Variants in PCDHGA4 observed in about 807,000 individuals in gnomAD.
PCDHGA4 encodes protocadherin gamma-A4.
In PCDHGA4, 38 loss-of-function variants were observed where a neutral mutation model predicts 54.6. The ratio of observed to expected loss-of-function variants is 0.70; its 90% CI spans 0.54 to 0.91. PCDHGA4 has a LOEUF of 0.91. Ranked by LOEUF, PCDHGA4 falls within the 40% of genes least tolerant of loss-of-function variation. The probability of loss-of-function intolerance (pLI) is 0.00; values close to 1 mark genes in which losing one functional copy is unlikely to be tolerated. For missense variants in PCDHGA4, 1,298 were observed against 1,220.9 expected (o/e 1.06, Z -0.94); for synonymous variants, 511 against 512.9 (o/e 1.00, Z 0.05).
Position 141,481,350 on chromosome 5 carries a change from T to C in PCDHGA4, c.2515-13457T>C, listed in dbSNP as rs901892475. Among the ~76,000 whole-genome samples, 4 of 152,248 alleles carry C rather than the reference T, an allele frequency of 2.6e-5. No homozygotes were observed. The South Asian group carries it at 8.3e-4, about 32-fold the overall frequency. On this transcript the variant is annotated intron_variant, in intron 1 of 3. Coordinates refer to ENST00000571252, the MANE Select transcript of PCDHGA4 (RefSeq NM_018917.4). The stretch of plus-strand genomic sequence containing the variant: ...CCTGGACAACTATTATTTAAACATC[T>C]ACAGCTGTTCAATAGATATTGGGTT...
chr5:141,489,210 G>C lies in PCDHGA4; in HGVS notation c.2515-5597G>C. ...TCTACCTTGGAGACAGGACAGCACA[G>C]ACTTACTCTCCACAAAGGGACTTCT... On this transcript the variant is annotated intron_variant, in intron 1 of 3. Coordinates refer to ENST00000571252, the MANE Select transcript of PCDHGA4 (RefSeq NM_018917.4). This position sits in a 1 kb window ranked among gnomAD's most constrained non-coding sequence, Gnocchi z 4.5. 6.8e-7 allele frequency: 1 copy of C among 1,461,860 alleles called. No individual in the cohort carries two copies. Among genetic ancestry groups the C allele is most frequent in the African/African-American group, 1.4e-5 (1 of 70,802 alleles). 90.6% of individuals were successfully genotyped at this position (1,461,860 alleles called of 1,614,324 possible).
At chr5:141,371,656 C>T (rs772257649) in intron 1 of PCDHGA4, 6 of 1,613,886 alleles carry the variant, frequency 3.7e-6, no homozygotes, top group African/African-American at 1.3e-5. Context: ...TACAATGTGA[C>T]GATCACAGCT....
intron 1 of PCDHGA4, chr5:141,415,797 C>G (rs940812419): frequency 3.9e-5 from 52 of 1,331,434 alleles, no homozygotes; most frequent in Non-Finnish European, 4.8e-5. Context: ...TTCACCTAGT[C>G]TCAATCAAGG....
At chr5:141,360,326 G>A (rs1761537998) in intron 1 of PCDHGA4, 4 of 1,613,816 alleles carry the variant, frequency 2.5e-6, no homozygotes, top group Non-Finnish European at 2.5e-6. Flanking sequence ...TTGCCAGCCC[G>A]GAAGCTGCGG....
At chr5:141,427,259 G>A (rs1365845158) in intron 1 of PCDHGA4, 1 of 456,756 alleles carries the variant, frequency 2.2e-6, no homozygotes, top group Non-Finnish European at 4.4e-6. Flanking sequence ...GTGGAGGCAT[G>A]ACCAGCGAAT....
intron 1 of PCDHGA4, among the ~76,000 whole-genome samples, chr5:141,381,177 C>G (rs935775632): frequency 6.6e-6 from 1 of 152,214 alleles, no homozygotes; most frequent in African/African-American, 2.4e-5. Context: ...TCCCACAAAA[C>G]GAAGTTAAGC....
Position 141,447,179 on chromosome 5 carries a change from G to A in PCDHGA4, c.2515-47628G>A, listed in dbSNP as rs558348683. ...GTTTAAGCGGGGTCTTGCTCTTGTC[G>A]CGCAGGCTGGAGTGCAATGGCTTGA... On this transcript the variant is annotated intron_variant, in intron 1 of 3. Transcript: ENST00000571252. 4.6e-4 allele frequency among the ~76,000 whole-genome samples: 70 copies of A among 151,826 alleles called. 1 individual carries two copies. The highest frequency in any genetic ancestry group is 3.9e-4 in the East Asian group (2 of 5,158).
At chr5:141,392,833 G>A (rs750632906) in intron 1 of PCDHGA4, 39 of 1,604,260 alleles carry the variant, frequency 2.4e-5, no homozygotes, top group Non-Finnish European at 2.8e-5. Context: ...CCACAGAGTC[G>A]CCCCAGACGC....
chr5:141,373,373 C>T (rs1171696467), intron 1 of PCDHGA4, among the ~76,000 whole-genome samples: 1 of 152,142 alleles, frequency 6.6e-6, no homozygotes, highest in East Asian at 1.9e-4. Flanking sequence ...TGAATTGGTT[C>T]AAAATGTGTT....
intron 1 of PCDHGA4, chr5:141,427,050 G>A (rs974721070): frequency 4.4e-6 from 2 of 457,372 alleles, no homozygotes; most frequent in Non-Finnish European, 4.4e-6. Flanking sequence ...TGTGCCCCCA[G>A]GCACCTCTGT....
rs1284989963 is a variant in PCDHGA4 at position 141,419,134 on chromosome 5, A to T, written c.2514+61513A>T. On this transcript the variant is annotated intron_variant, in intron 1 of 3. Transcript: ENST00000571252. ...AGTACAACGTCACCATCGCAGCCAC[A>T]GACAGGGGCAAGCCTCCGTTATCCT... is the stretch of plus-strand genomic sequence containing the variant. 2.5e-6 allele frequency: 4 copies of T among 1,613,826 alleles called. No individual in the cohort carries two copies. In the African/African-American group the frequency reaches 5.3e-5, roughly 22 times the overall value.
chr5:141,430,337 C>G (rs531455580), intron 1 of PCDHGA4, among the ~76,000 whole-genome samples: 1 of 150,908 alleles, frequency 6.6e-6, no homozygotes, highest in East Asian at 2.0e-4. Context: ...TTTATAGAAA[C>G]TTCCAATTCA....
chr5:141,410,809 G>C, intron 1 of PCDHGA4: 1 of 292,002 alleles, frequency 3.4e-6, no homozygotes, highest in Admixed American at 5.8e-5. Flanking sequence ...CTATCTTTTT[G>C]TAAAATAATG....
intron 1 of PCDHGA4, chr5:141,427,958 G>T: frequency 6.3e-7 from 1 of 1,588,408 alleles, no homozygotes; most frequent in Non-Finnish European, 8.6e-7. Flanking sequence ...ACAATGTGCC[G>T]CGGGTGCTGT....
chr5:141,414,437 C>T (rs1422750138), intron 1 of PCDHGA4: 1 of 1,613,856 alleles, frequency 6.2e-7, no homozygotes, highest in Non-Finnish European at 8.5e-7. Flanking sequence ...CAGGTATCCT[C>T]TTACAATATC....
chr5:141,371,207 G>A, intron 1 of PCDHGA4: 1 of 1,613,764 alleles, frequency 6.2e-7, no homozygotes, highest in African/African-American at 1.3e-5. Context: ...ACATGGATGA[G>A]GGCATCAATG....
At chr5:141,399,856 G>A (rs1391939612) in intron 1 of PCDHGA4, 1 of 1,612,894 alleles carries the variant, frequency 6.2e-7, no homozygotes, top group Non-Finnish European at 8.5e-7. Flanking sequence ...GGTGCCGCGC[G>A]CTGCAGAGCC....
At chr5:141,410,830 G>T in intron 1 of PCDHGA4, 11 of 332,874 alleles carry the variant, frequency 3.3e-5, no homozygotes, top group East Asian at 5.9e-5. Context: ...TCACCAGACT[G>T]AAGATATTTT....
chr5:141,460,726 A>G lies in PCDHGA4; in HGVS notation c.2515-34081A>G, dbSNP rs545089217. ...GAGAATAAACTATTGTTATAAGCAT[A>G]TATACACATTGTATATATATGTGTA... On this transcript the variant is annotated intron_variant, in intron 1 of 3. Coordinates refer to ENST00000571252, the MANE Select transcript of PCDHGA4 (RefSeq NM_018917.4). Among the ~76,000 whole-genome samples the G allele has an allele frequency of 6.6e-5, 10 of 152,252 alleles. No homozygotes were observed. In the East Asian group the frequency reaches 1.9e-3, roughly 29 times the overall value.
Sources: gnomAD v4.1 joint callset for allele counts (sites outside exome capture counted in the v4.1 genomes callset) on GRCh38, gnomAD v4.1.1 for gene constraint, Gnocchi (gnomAD v3.1) non-coding constraint, MANE v1.5 for transcripts, NCBI Gene and HGNC (gene_info 2026-07-23, HGNC 2026-07-21) for gene names.